The following VWC2 variants were observed in gnomAD, a reference collection of about 807,000 sequenced individuals.
The protein encoded by VWC2 is von Willebrand factor C domain containing 2.
In VWC2, 14 loss-of-function variants were observed where a neutral mutation model predicts 29.8. The observed-to-expected ratio is 0.47, with a 90% confidence interval of 0.31 to 0.74. The LOEUF (loss-of-function observed/expected upper bound fraction) is 0.74, where lower values mean the gene tolerates loss of function less well. VWC2 is among the 30% of genes least tolerant of loss of function. The pLI, the probability that VWC2 is intolerant of heterozygous loss-of-function variation, is 0.05. For missense variants in VWC2, 457 were observed against 459.8 expected, an observed-to-expected ratio of 0.99 and a Z score of 0.05; for synonymous variants, 213 against 199.0, an observed-to-expected ratio of 1.07 and a Z score of -0.59.
chr7:49,833,841 T>C (rs1789594789), intron 3 of VWC2, among the ~76,000 whole-genome samples: 1 of 152,166 alleles, frequency 6.6e-6, no homozygotes, highest in Non-Finnish European at 1.5e-5. Context: ...TCGTAACTTA[T>C]AGATTCTATC....
chr7:49,774,311 C>G (rs543500732), intron 1 of VWC2, among the ~76,000 whole-genome samples, 198 bp downstream of exon 1: 1 of 152,114 alleles, frequency 6.6e-6, no homozygotes, highest in Non-Finnish European at 1.5e-5. Context: ...GGGCCGGGCA[C>G]GTCCGGAGCC....
intron 3 of VWC2, among the ~76,000 whole-genome samples, chr7:49,856,519 A>G (rs985557323): frequency 6.6e-6 from 1 of 152,104 alleles, no homozygotes; most frequent in African/African-American, 2.4e-5. Context: ...AACAACACAA[A>G]ATGGACGAAT....
rs1793806202 is a variant in VWC2 at position 49,917,848 on chromosome 7, A to T, written c.*5663A>T. On this transcript the variant is annotated 3_prime_UTR_variant, in exon 4 of 4. Coordinates refer to ENST00000340652, the MANE Select transcript of VWC2 (RefSeq NM_198570.5). ...GTTTCCAAACACATTTTATGGAAAG[A>T]TTTCATTTTTCCATTCCCTTTACTT... is the stretch of plus-strand genomic sequence containing the variant. The T allele has an allele frequency of 6.6e-6, 1 of 152,146 alleles. No individual in the cohort carries two copies. Among genetic ancestry groups the T allele is most frequent in the Non-Finnish European group, 1.5e-5 (1 of 67,990 alleles). The allele number at this position is 152,146 out of a possible 1,614,324, so 9.4% of individuals were successfully genotyped here.
intron 3 of VWC2, among the ~76,000 whole-genome samples, chr7:49,804,020 C>T (rs1788810076): frequency 6.6e-6 from 1 of 152,066 alleles, no homozygotes; most frequent in South Asian, 2.1e-4. Context: ...CCTCCAAAGG[C>T]AAGTGGACAG....
At chr7:49,893,635 G>GTT (rs879726154) in intron 3 of VWC2, among the ~76,000 whole-genome samples, 3 of 72,628 alleles carry the variant, frequency 4.1e-5, no homozygotes, top group Non-Finnish European at 3.1e-5. Context: ...TAGGAAACCA[G>GTT]TTTTTTTTTT....
chr7:49,814,369 C>G (rs1244450469), intron 3 of VWC2, among the ~76,000 whole-genome samples: 1 of 152,094 alleles, frequency 6.6e-6, no homozygotes, highest in Non-Finnish European at 1.5e-5. Flanking sequence ...TTCTGACAAA[C>G]TAGATAAGGA....
chr7:49,775,837 A>G lies in VWC2; in HGVS notation c.402A>G (p.Glu134=). The part of the protein sequence containing the change: ...AAAAQDAIGP[E]LAPTPEPPEE... ...CCGCCCAGGACGCGATTGGCCCGGA[A>G]CTCGCGCCCACGCCCGAGCCACCCG... The change falls in exon 2 of 4, where the codon GAA becomes GAG. Residue 134 remains glutamate, a synonymous_variant. Coordinates refer to ENST00000340652, the MANE Select transcript of VWC2 (RefSeq NM_198570.5). 4 of 1,549,164 alleles carry G rather than the reference A, an allele frequency of 2.6e-6. No homozygotes were observed. The highest frequency in any genetic ancestry group is 1.2e-5 in the South Asian group (1 of 84,028).
chr7:49,900,727 C>T (rs1167168754), intron 3 of VWC2, among the ~76,000 whole-genome samples: 2 of 151,774 alleles, frequency 1.3e-5, no homozygotes, highest in Non-Finnish European at 1.5e-5. Flanking sequence ...TTATACCAAA[C>T]ATTTAAGGAA....
At chr7:49,858,304 C>T (rs972664243) in intron 3 of VWC2, among the ~76,000 whole-genome samples, 13 of 151,896 alleles carry the variant, frequency 8.6e-5, no homozygotes, top group African/African-American at 3.1e-4. Context: ...TGGAACCAAC[C>T]CAAATGTCCA....
At chr7:49,910,606 A>T (rs79236398) in intron 3 of VWC2, among the ~76,000 whole-genome samples, 8 of 8,762 alleles carry the variant, frequency 9.1e-4, no homozygotes, top group Admixed American at 2.3e-3. Flanking sequence ...TTAATCTTTT[A>T]AAAAAAAATG....
At position 49,918,073 on chromosome 7, in the gene VWC2, C is replaced by T. The variant is rs1030012286; in HGVS notation, c.*5888C>T. The stretch of plus-strand genomic sequence containing the variant: ...TTTTAAAAAGCCATTCTTAAGCAGT[C>T]GGTGAATGTATATCATCGGCCAAAA... On this transcript the variant is annotated 3_prime_UTR_variant, in exon 4 of 4. Coordinates refer to ENST00000340652, the MANE Select transcript of VWC2 (RefSeq NM_198570.5). 2.0e-5 allele frequency: 3 copies of T among 152,142 alleles called. No individual in the cohort carries two copies. The highest frequency in any genetic ancestry group is 4.8e-5 in the African/African-American group (2 of 41,422). 9.4% of individuals were successfully genotyped at this position (152,142 alleles called of 1,614,324 possible). A position where few individuals can be genotyped will look rare whatever the true frequency, so the allele number is the denominator to read the frequency against.
chr7:49,851,571 T>A, intron 3 of VWC2, among the ~76,000 whole-genome samples: 1 of 152,296 alleles, frequency 6.6e-6, no homozygotes, highest in African/African-American at 2.4e-5. Context: ...ATAAAAAGTC[T>A]GCTACAGGCC....
intron 3 of VWC2, among the ~76,000 whole-genome samples, chr7:49,877,784 T>C (rs973998015): frequency 2.0e-5 from 3 of 151,492 alleles, no homozygotes; most frequent in African/African-American, 7.3e-5. Flanking sequence ...ATTATTATTG[T>C]TGTCATTATT....
intron 2 of VWC2, among the ~76,000 whole-genome samples, chr7:49,788,727 T>G (rs894343857): frequency 9.8e-5 from 13 of 132,930 alleles, no homozygotes; most frequent in African/African-American, 3.6e-4. Context: ...GGGTGTGGGG[T>G]GTGTGTGGAT....
intron 3 of VWC2, among the ~76,000 whole-genome samples, chr7:49,872,887 G>A (rs1259057604): frequency 7.9e-6 from 1 of 126,588 alleles, no homozygotes. Context: ...TTGCACTCCA[G>A]CCTGGGAGAC....
intron 2 of VWC2, among the ~76,000 whole-genome samples, chr7:49,790,283 G>A (rs553889497): frequency 2.6e-5 from 4 of 152,192 alleles, no homozygotes; most frequent in Non-Finnish European, 5.9e-5. Flanking sequence ...TGTGGTGCCC[G>A]AGAAGAAAGC....
chr7:49,789,184 TG>T (rs1466814767), intron 2 of VWC2, among the ~76,000 whole-genome samples: 1 of 148,822 alleles, frequency 6.7e-6, no homozygotes, highest in African/African-American at 2.5e-5. Context: ...AGCATGTGTG[TG>T]GGTGCATGTG....
chr7:49,884,700 G>A (rs1791820531), intron 3 of VWC2, among the ~76,000 whole-genome samples: 1 of 152,136 alleles, frequency 6.6e-6, no homozygotes, highest in South Asian at 2.1e-4. Context: ...GTCAACACCT[G>A]TGAGATTTAC....
At chr7:49,783,233 G>A (rs1788216330) in intron 2 of VWC2, among the ~76,000 whole-genome samples, 3 of 152,066 alleles carry the variant, frequency 2.0e-5, no homozygotes, top group Admixed American at 2.0e-4. Context: ...CTGCATCCTA[G>A]AGATGTGACG....
Sources: allele counts gnomAD v4.1 joint callset (sites outside exome capture counted in the v4.1 genomes callset), GRCh38; gene constraint gnomAD v4.1.1; transcripts MANE v1.5; gene names NCBI Gene and HGNC (gene_info 2026-07-23, HGNC 2026-07-21).